Variants in ANKRD36C observed in about 807,000 individuals in gnomAD.
ANKRD36C encodes the protein ankyrin repeat domain-containing protein 36C.
In ANKRD36C, 61 loss-of-function variants were observed where a neutral mutation model predicts 276.4. The ratio of observed to expected loss-of-function variants is 0.22; its 90% CI spans 0.18 to 0.27. The LOEUF (loss-of-function observed/expected upper bound fraction) is 0.27. Among genes scored for constraint, ANKRD36C ranks in the 10% least tolerant of loss-of-function variants. ANKRD36C has a pLI of 1.00. For synonymous variants in ANKRD36C, 483 were observed against 680.1 expected (o/e 0.71, Z 4.51); for missense variants, 1,447 against 2,032.3 (o/e 0.71, Z 5.54).
chr2:95,968,842 T>A (rs1678644187), intron 6 of ANKRD36C, among the ~76,000 whole-genome samples: 1 of 152,162 alleles, frequency 6.6e-6, no homozygotes, highest in South Asian at 2.1e-4. Context: ...ATTAATTTAC[T>A]AGAGTGGCTC....
At chr2:95,869,783 C>A (rs555166800) in intron 59 of ANKRD36C, among the ~76,000 whole-genome samples, 9 of 152,178 alleles carry the variant, frequency 5.9e-5, no homozygotes, top group Non-Finnish European at 1.0e-4. Flanking sequence ...ACAGACAGCA[C>A]CTGGAAAATT....
intron 3 of ANKRD36C, among the ~76,000 whole-genome samples, chr2:95,984,312 A>G (rs1467945099): frequency 6.6e-6 from 1 of 151,934 alleles, no homozygotes; most frequent in Non-Finnish European, 1.5e-5. Context: ...CCTCATAGAA[A>G]GGGGCAACCT....
intron 42 of ANKRD36C, chr2:95,910,385 T>C (rs997270266): frequency 2.4e-5 from 37 of 1,542,438 alleles, no homozygotes; most frequent in Non-Finnish European, 3.0e-5. Context: ...GTCCTAGATT[T>C]TTCTCCATCC....
chr2:95,974,418 T>C (rs1469006622), intron 6 of ANKRD36C, among the ~76,000 whole-genome samples: 1 of 152,190 alleles, frequency 6.6e-6, no homozygotes, highest in Non-Finnish European at 1.5e-5. Flanking sequence ...AAATCCTATA[T>C]AGTTGTCAAA....
chr2:95,983,625 ATTTG>A (rs1272944905), intron 3 of ANKRD36C, among the ~76,000 whole-genome samples: 4 of 149,332 alleles, frequency 2.7e-5, no homozygotes, highest in South Asian at 2.1e-4. Context: ...TTATTTATTT[ATTTG>A]AGATGGAGTC....
At chr2:95,914,224 T>A (rs756927908) in intron 39 of ANKRD36C, 44 bp from the exon 42 acceptor site, 231 of 1,561,472 alleles carry the variant, frequency 1.5e-4, no homozygotes, top group Non-Finnish European at 1.9e-4. Flanking sequence ...TAAAGTATGT[T>A]TCATAGACTA....
chr2:95,887,568 T>C (rs1488166277), intron 50 of ANKRD36C, among the ~76,000 whole-genome samples: 1 of 151,718 alleles, frequency 6.6e-6, no homozygotes, highest in Non-Finnish European at 1.5e-5. Flanking sequence ...TTTATAGCAG[T>C]ATGATGTGAC....
At chr2:95,862,656 G>A (rs1174496043) in intron 60 of ANKRD36C, among the ~76,000 whole-genome samples, 1 of 151,178 alleles carries the variant, frequency 6.6e-6, no homozygotes, top group Admixed American at 6.6e-5. Flanking sequence ...AGCAAGCAGA[G>A]GAAAGGAAAT....
At chr2:95,870,356 C>T (rs1162418143) in intron 59 of ANKRD36C, among the ~76,000 whole-genome samples, 8 of 152,200 alleles carry the variant, frequency 5.3e-5, no homozygotes, top group East Asian at 3.9e-4. Context: ...TCGCGGTTCA[C>T]GAAAATCTGC....
At chr2:95,938,517 T>C (rs1402776758) in intron 22 of ANKRD36C, among the ~76,000 whole-genome samples, 1 of 152,120 alleles carries the variant, frequency 6.6e-6, no homozygotes, top group Non-Finnish European at 1.5e-5. Flanking sequence ...GCAATCAATT[T>C]TGAAGCACTG....
At chr2:95,873,516 T>C (rs1675864917) in intron 59 of ANKRD36C, among the ~76,000 whole-genome samples, 1 of 152,120 alleles carries the variant, frequency 6.6e-6, no homozygotes, top group African/African-American at 2.4e-5. Context: ...TGGGATGTAT[T>C]TCAAAATAAT....
intron 64 of ANKRD36C, chr2:95,853,353 T>C (rs75890383): frequency 1.6e-5 from 3 of 185,304 alleles, no homozygotes; most frequent in South Asian, 1.1e-4. Flanking sequence ...ACCATGCCAA[T>C]AGAGAAATCA....
intron 34 of ANKRD36C, among the ~76,000 whole-genome samples, chr2:95,921,241 G>A (rs921327214): frequency 3.3e-5 from 5 of 150,626 alleles, no homozygotes; most frequent in Admixed American, 1.3e-4. Flanking sequence ...TCAGCAGTAC[G>A]ATGTGATGTC....
chr2:95,989,668 T>C (rs879200321), intron 1 of ANKRD36C, among the ~76,000 whole-genome samples: 1 of 152,168 alleles, frequency 6.6e-6, no homozygotes, highest in Non-Finnish European at 1.5e-5. Context: ...TTTAGTATAA[T>C]GGAATTGATG....
At chr2:95,892,021 C>T (rs554682197) in intron 44 of ANKRD36C, among the ~76,000 whole-genome samples, 161 bp from the exon 65 acceptor site, 6 of 151,560 alleles carry the variant, frequency 4.0e-5, no homozygotes, top group East Asian at 3.9e-4. Context: ...GACAGAAATA[C>T]GCTGAGAAAA....
chr2:95,923,801 C>T, intron 30 of ANKRD36C, 112 bp from the exon 31 acceptor site: 3 of 1,470,094 alleles, frequency 2.0e-6, no homozygotes, highest in Non-Finnish European at 1.8e-6. Context: ...TTAGTATAGG[C>T]TTTGATTTTT....
chr2:95,962,596 A>G, intron 6 of ANKRD36C, 49 bp from the exon 7 acceptor site: 5 of 1,586,990 alleles, frequency 3.2e-6, no homozygotes, highest in Non-Finnish European at 4.3e-6. Context: ...ATATGATACA[A>G]TTATCCATAC....
intron 59 of ANKRD36C, among the ~76,000 whole-genome samples, chr2:95,868,952 C>G (rs1422058546): frequency 1.3e-5 from 2 of 152,306 alleles, no homozygotes; most frequent in African/African-American, 4.8e-5. Context: ...TACTTTTGTG[C>G]ACAAGTAAGT....
At chr2:95,872,872 A>G (rs142797090) in intron 59 of ANKRD36C, among the ~76,000 whole-genome samples, 42,123 of 151,736 alleles carry the variant, frequency 0.28, 6,727 homozygotes, top group East Asian at 0.47. Context: ...ACTACCATCA[A>G]AGAATACTAC....
Sources: allele counts gnomAD v4.1 joint callset (sites outside exome capture counted in the v4.1 genomes callset), GRCh38; gene constraint gnomAD v4.1.1; transcripts MANE v1.5; gene names NCBI Gene and HGNC (gene_info 2026-07-23, HGNC 2026-07-21).